DCDC1: variants seen among roughly 807,000 people sequenced by gnomAD.
DCDC1 encodes the protein doublecortin domain-containing protein 1.
Under a neutral mutation model 178.3 loss-of-function variants are expected in DCDC1, and 200 were observed. That is an observed-to-expected ratio of 1.12 (90% CI 1.00 to 1.26). The LOEUF (loss-of-function observed/expected upper bound fraction) is 1.26. Among genes scored for constraint, DCDC1 ranks in the 50% most tolerant of loss-of-function variants. The pLI, the probability that DCDC1 is intolerant of heterozygous loss-of-function variation, is 0.00. For missense variants in DCDC1, 1,983 were observed against 1,749.2 expected (o/e 1.13, Z -2.38); for synonymous variants, 690 against 604.8 (o/e 1.14, Z -2.07).
chr11:31,250,423 T>TC, intron 8 of DCDC1, among the ~76,000 whole-genome samples: 1 of 95,820 alleles, frequency 1.0e-5, no homozygotes, highest in South Asian at 4.9e-4. Flanking sequence ...CACATATACA[T>TC]ATATATGTAT....
Position 30,963,098 on chromosome 11 carries a change from T to C in DCDC1, c.2592-10530A>G, listed in dbSNP as rs145019286. 2.6e-5 allele frequency among the ~76,000 whole-genome samples: 4 copies of C among 152,268 alleles called. 1 individual carries two copies. The highest frequency in any genetic ancestry group is 9.6e-5 in the African/African-American group (4 of 41,560). On this transcript the variant is annotated intron_variant, in intron 20 of 38. Transcript: ENST00000684477. ...AAACTCCCTAAAGTTTCCATATTTATTTAAATGAAAGCAAGATAAATGAAT... is the reference window on the plus strand; with the variant it reads ...AAACTCCCTAAAGTTTCCATATTTACTTAAATGAAAGCAAGATAAATGAAT...
At chr11:31,181,635 A>G (rs184669052) in intron 9 of DCDC1, among the ~76,000 whole-genome samples, 8 of 152,200 alleles carry the variant, frequency 5.3e-5, no homozygotes, top group African/African-American at 1.9e-4. Flanking sequence ...CCTGACTGGT[A>G]AAAGGAAAAC....
intron 9 of DCDC1, among the ~76,000 whole-genome samples, chr11:31,145,830 C>T (rs1388186417): frequency 2.6e-5 from 4 of 152,186 alleles, no homozygotes; most frequent in African/African-American, 9.7e-5. Context: ...GCTTATTACC[C>T]TAAATATGTG....
chr11:31,194,404 T>C (rs954303004), intron 9 of DCDC1, among the ~76,000 whole-genome samples: 8 of 152,134 alleles, frequency 5.3e-5, no homozygotes, highest in African/African-American at 1.7e-4. Flanking sequence ...ATACTCATTT[T>C]GGAAAATTTA....
intron 9 of DCDC1, among the ~76,000 whole-genome samples, chr11:31,166,169 C>T (rs1966768272): frequency 6.6e-6 from 1 of 152,058 alleles, no homozygotes; most frequent in Non-Finnish European, 1.5e-5. Flanking sequence ...ATATTTATGA[C>T]TAAATATTCA....
chr11:30,968,624 T>C (rs1425311214), intron 20 of DCDC1, among the ~76,000 whole-genome samples: 1 of 147,938 alleles, frequency 6.8e-6, no homozygotes, highest in Admixed American at 6.8e-5. Context: ...AGTGTGTATA[T>C]ATATATATGG....
At chr11:31,158,111 A>ATTTTATTT (rs201238644) in intron 9 of DCDC1, among the ~76,000 whole-genome samples, 2 of 131,798 alleles carry the variant, frequency 1.5e-5, no homozygotes, top group African/African-American at 2.5e-5. Context: ...TTATTTTATT[A>ATTTTATTT]TATTTTTTTG....
intron 7 of DCDC1, among the ~76,000 whole-genome samples, chr11:31,286,055 A>C (rs1946801383): frequency 6.6e-6 from 1 of 152,186 alleles, no homozygotes; most frequent in Non-Finnish European, 1.5e-5. Context: ...GAAGATTTCC[A>C]TCATATAGTA....
chr11:31,203,077 T>C (rs1364318031), intron 9 of DCDC1, among the ~76,000 whole-genome samples: 1 of 151,510 alleles, frequency 6.6e-6, no homozygotes, highest in South Asian at 2.1e-4. Context: ...AGAGGAAAAA[T>C]AACCAAAATT....
At chr11:31,009,176 C>T (rs1026705445) in intron 20 of DCDC1, among the ~76,000 whole-genome samples, 1 of 151,982 alleles carries the variant, frequency 6.6e-6, no homozygotes, top group African/African-American at 2.4e-5. Context: ...AATTACAAAT[C>T]CAAATAAATC....
At chr11:31,235,603 T>A (rs1976354239) in intron 9 of DCDC1, among the ~76,000 whole-genome samples, 1 of 151,962 alleles carries the variant, frequency 6.6e-6, no homozygotes, top group South Asian at 2.1e-4. Flanking sequence ...ATTTAAATAA[T>A]TTTTAATTAA....
chr11:31,242,254 C>T (rs987856649), intron 8 of DCDC1, among the ~76,000 whole-genome samples: 1 of 151,718 alleles, frequency 6.6e-6, no homozygotes. Flanking sequence ...TTCCAGCATG[C>T]GTTTTGTAAA....
rs747437986 is a variant in DCDC1, at chr11:31,290,697, T to C, written c.910A>G (p.Met304Val). Reference sequence around the variant, plus strand: ...GTAATCTCATGCCCATCCTGCCCCATGCCATTCTTAAAGAACAGAATTCGG... The same window carrying C: ...GTAATCTCATGCCCATCCTGCCCCACGCCATTCTTAAAGAACAGAATTCGG... ...SVRILFFKNG[M>V]GQDGHEITVG... is the part of the protein sequence containing the mutation. The change falls in exon 7 of 39, where the codon ATG becomes GTG. Residue 304 changes from methionine (M) to valine (V), a missense_variant. Met to Val is a conservative substitution (Grantham distance 21, BLOSUM62 1). Coordinates refer to ENST00000684477, the MANE Select transcript of DCDC1 (RefSeq NM_001387274.1). 13 of 1,613,346 alleles carry C rather than the reference T, an allele frequency of 8.1e-6. No individual in the cohort carries two copies. The highest frequency in any genetic ancestry group is 2.2e-5 in the East Asian group (1 of 44,852).
At chr11:31,309,319 C>T (rs890820272) in intron 3 of DCDC1, among the ~76,000 whole-genome samples, 5 of 152,188 alleles carry the variant, frequency 3.3e-5, no homozygotes, top group Non-Finnish European at 7.3e-5. Flanking sequence ...CTTCCCTACA[C>T]ATTGGATATA....
chr11:31,263,409 A>G (rs895983143), intron 8 of DCDC1, among the ~76,000 whole-genome samples: 1 of 152,150 alleles, frequency 6.6e-6, no homozygotes, highest in Non-Finnish European at 1.5e-5. Flanking sequence ...AACCCCAAAG[A>G]ACAAAAGGAA....
intron 9 of DCDC1, among the ~76,000 whole-genome samples, chr11:31,171,896 A>G (rs988206247): frequency 1.3e-5 from 2 of 152,232 alleles, no homozygotes; most frequent in African/African-American, 2.4e-5. Context: ...GCTTATAGAC[A>G]TTTCAACTGA....
chr11:31,080,530 C>A (rs1957109837), intron 17 of DCDC1, among the ~76,000 whole-genome samples: 1 of 152,188 alleles, frequency 6.6e-6, no homozygotes, highest in Admixed American at 6.5e-5. Flanking sequence ...TTTTATACAA[C>A]TGTATTAAAA....
intron 9 of DCDC1, among the ~76,000 whole-genome samples, chr11:31,228,139 G>A (rs1975254201): frequency 6.6e-6 from 1 of 151,860 alleles, no homozygotes; most frequent in Non-Finnish European, 1.5e-5. Flanking sequence ...CAATAAGACA[G>A]AACAAACATG....
intron 6 of DCDC1, among the ~76,000 whole-genome samples, chr11:31,296,377 C>T (rs1947687520): frequency 6.6e-6 from 1 of 152,194 alleles, no homozygotes; most frequent in Non-Finnish European, 1.5e-5. Context: ...TCAAGTCCTT[C>T]TCAGGATCCA....
Sources: gnomAD v4.1 joint callset for allele counts (sites outside exome capture counted in the v4.1 genomes callset) on GRCh38, gnomAD v4.1.1 for gene constraint, MANE v1.5 for transcripts, NCBI Gene and HGNC (gene_info 2026-07-23, HGNC 2026-07-21) for gene names.